ARID5A: variants seen among roughly 807,000 people sequenced by gnomAD.
ARID5A encodes the protein AT-rich interaction domain 5A.
A neutral mutation model predicts 30.5 loss-of-function variants in ARID5A; 14 were observed. The ratio of observed to expected loss-of-function variants is 0.46; its 90% CI spans 0.30 to 0.72. The LOEUF is 0.72. Ranked by LOEUF, ARID5A falls within the 30% of genes least tolerant of loss-of-function variation. The pLI is 0.07. For missense variants in ARID5A, 669 were observed against 786.2 expected (o/e 0.85, Z 1.78); for synonymous variants, 338 against 340.4 (o/e 0.99, Z 0.08).
chr2:96,545,602 G>T (rs888005139), intron 1 of ARID5A, among the ~76,000 whole-genome samples: 1 of 152,168 alleles, frequency 6.6e-6, no homozygotes, highest in Non-Finnish European at 1.5e-5. Context: ...TGAAAGTTTT[G>T]CTGTGGATAA....
rs1253887471 is a variant in ARID5A at position 96,552,493 on chromosome 2, A to G, written c.*180A>G. ...GGGAAAACTGGGTTTATCTCAAGGC[A>G]GCAGCCTGAGCCCAGGAGCAGAGGA... On this transcript the variant is annotated 3_prime_UTR_variant, in exon 7 of 7. Coordinates refer to ENST00000357485, the MANE Select transcript of ARID5A (RefSeq NM_212481.3). 4 of 1,535,852 alleles carry G rather than the reference A, an allele frequency of 2.6e-6. No individual in the cohort carries two copies. The African/African-American group carries it at 4.1e-5, about 16-fold the overall frequency.
At chr2:96,547,211 G>A (rs1020892143) in intron 1 of ARID5A, among the ~76,000 whole-genome samples, 191 bp from the exon 2 acceptor site, 5 of 151,270 alleles carry the variant, frequency 3.3e-5, no homozygotes, top group African/African-American at 1.2e-4. Flanking sequence ...GACAGGTCTT[G>A]AACTCCTGAC....
intron 1 of ARID5A, among the ~76,000 whole-genome samples, chr2:96,542,529 G>C (rs1342339688): frequency 1.3e-5 from 2 of 152,170 alleles, no homozygotes; most frequent in Non-Finnish European, 2.9e-5. Context: ...GAAGGGACTA[G>C]GGCCCCTCTC....
rs974484154 is a variant in ARID5A, at chr2:96,539,705, C to T, written c.4+2875C>T. Among the ~76,000 whole-genome samples the T allele has an allele frequency of 6.6e-6, 1 of 152,134 alleles. No individual in the cohort carries two copies. Among genetic ancestry groups the T allele is most frequent in the African/African-American group, 2.4e-5 (1 of 41,384 alleles). On this transcript the variant is annotated intron_variant, in intron 1 of 6. Transcript: ENST00000357485. This position sits in a 1 kb window ranked among gnomAD's most constrained non-coding sequence, Gnocchi z 4.7. ...GAAGTTGATTCATAGAGTGTGGGGG[C>T]CATGCCCCTTCCCGGCCCTCCCCCT...
In ARID5A at chr2:96,551,937, A is replaced by G; in HGVS notation, c.1409A>G (p.Asp470Gly). The change falls in exon 7 of 7, where the codon GAT (aspartate) becomes GGT (glycine). Residue 470 changes from aspartate (D) to glycine (G), a missense_variant. By Grantham distance (94) the Asp-to-Gly change is moderately conservative (BLOSUM62 -1). Around this residue, in one of 4 missense-constraint regions of ARID5A, gnomAD observed 548 missense variants for 577.4 expected, o/e 0.95. Transcript: ENST00000357485. ...RAVSPFLKEA[D>G]AKKCGAKPAG... is the part of the protein sequence containing the mutation. Reference sequence around the variant, plus strand: ...GTGTCTCCCTTTCTTAAGGAGGCGGATGCCAAGAAGTGTGGGGCCAAACCT... The same window carrying G: ...GTGTCTCCCTTTCTTAAGGAGGCGGGTGCCAAGAAGTGTGGGGCCAAACCT... The G allele has an allele frequency of 1.3e-6, 2 of 1,523,148 alleles. No individual in the cohort carries two copies. Among genetic ancestry groups the G allele is most frequent in the Non-Finnish European group, 1.8e-6 (2 of 1,135,800 alleles). The allele number at this position is 1,523,148 out of a possible 1,614,324, so 94.4% of individuals were successfully genotyped here. A position where few individuals can be genotyped will look rare whatever the true frequency, so the allele number is the denominator to read the frequency against.
At chr2:96,546,147 G>A (rs1331616311) in intron 1 of ARID5A, among the ~76,000 whole-genome samples, 1 of 152,156 alleles carries the variant, frequency 6.6e-6, no homozygotes, top group African/African-American at 2.4e-5. Context: ...GTGCCTCTGA[G>A]TACCACTGGC....
In ARID5A at chr2:96,547,350, A is replaced by G. The variant is rs944215477; in HGVS notation, c.5-52A>G. 10 of 1,503,518 alleles carry G rather than the reference A, an allele frequency of 6.7e-6. No individual in the cohort carries two copies. The African/African-American group carries it at 1.4e-4, about 21-fold the overall frequency. The allele number at this position is 1,503,518 out of a possible 1,614,324, so 93.1% of individuals were successfully genotyped here. A position where few individuals can be genotyped will look rare whatever the true frequency, so the allele number is the denominator to read the frequency against. The stretch of plus-strand genomic sequence containing the variant: ...TCCTGTTCCTCCCTGCTTGCATCTC[A>G]TATGCTCTCTCCCCACCCCTTCCTC... On this transcript the variant is annotated intron_variant, in intron 1 of 6. Coordinates refer to ENST00000357485, the MANE Select transcript of ARID5A (RefSeq NM_212481.3).
Position 96,551,523 on chromosome 2 carries a change from G to A in ARID5A, c.995G>A (p.Gly332Asp). ...AGCCTCAGAGAGGAGGCGCAGGCAG[G>A]CCCCTGCCCGGCAGCCCCCATCTTC... ...GGSLREEAQA[G>D]PCPAAPIFKG... is the part of the protein sequence containing the mutation. The change falls in exon 7 of 7, where the codon GGC becomes GAC. Residue 332 changes from glycine (G) to aspartate (D), a missense_variant. Around this residue, in one of 4 missense-constraint regions of ARID5A, gnomAD observed 548 missense variants for 577.4 expected, o/e 0.95. Transcript: ENST00000357485. The A allele has an allele frequency of 1.2e-6, 2 of 1,601,440 alleles. No homozygotes were observed. The highest frequency in any genetic ancestry group is 1.7e-6 in the Non-Finnish European group (2 of 1,174,148).
chr2:96,538,249 A>C, intron 1 of ARID5A: 4 of 985,432 alleles, frequency 4.1e-6, no homozygotes, highest in Non-Finnish European at 4.8e-6. Context: ...GTCACCACCA[A>C]ATGTGGCCCA....
intron 1 of ARID5A, 127 bp from the exon 2 acceptor site, chr2:96,547,275 C>A: frequency 1.4e-6 from 1 of 732,742 alleles, no homozygotes; most frequent in East Asian, 2.9e-5. Context: ...CAGGAGTGAG[C>A]CCCTGCACTG....
In ARID5A at chr2:96,539,307, C is replaced by G. The variant is rs1165472034; in HGVS notation, c.4+2477C>G. 6.6e-6 allele frequency among the ~76,000 whole-genome samples: 1 copy of G among 152,254 alleles called. No homozygotes were observed. Among genetic ancestry groups the G allele is most frequent in the Non-Finnish European group, 1.5e-5 (1 of 68,048 alleles). On this transcript the variant is annotated intron_variant, in intron 1 of 6. Coordinates refer to ENST00000357485, the MANE Select transcript of ARID5A (RefSeq NM_212481.3). This position sits in a 1 kb window ranked among gnomAD's most constrained non-coding sequence, Gnocchi z 4.7. ...CCCATCTGTCCTCTTGGCCCACTTT[C>G]ATCTGCTTCCAGCTTGATGTCTGGC... is the stretch of plus-strand genomic sequence containing the variant.
In ARID5A at chr2:96,549,182, A is replaced by G. The variant is rs1283594126; in HGVS notation, c.121-139A>G. 6 of 1,476,974 alleles carry G rather than the reference A, an allele frequency of 4.1e-6. No individual in the cohort carries two copies. The allele number at this position is 1,476,974 out of a possible 1,614,324, so 91.5% of individuals were successfully genotyped here. The stretch of plus-strand genomic sequence containing the variant: ...AACCCAGGAACAGTCACTCCCTCCC[A>G]GAACAGTGGCTAGGTGTTCTCTGGG... On this transcript the variant is annotated intron_variant, in intron 2 of 6. Transcript: ENST00000357485. This position sits in a 1 kb window ranked among gnomAD's most constrained non-coding sequence, Gnocchi z 6.1.
intron 1 of ARID5A, among the ~76,000 whole-genome samples, chr2:96,541,065 A>C (rs2065836794): frequency 7.2e-6 from 1 of 139,738 alleles, no homozygotes; most frequent in African/African-American, 2.7e-5. Flanking sequence ...TTGAGAAGGA[A>C]TCTCGCTCTG....
chr2:96,543,270 T>C (rs1176584225), intron 1 of ARID5A, among the ~76,000 whole-genome samples: 1 of 152,204 alleles, frequency 6.6e-6, no homozygotes, highest in South Asian at 2.1e-4. Flanking sequence ...TGGCTTCAGA[T>C]TCCCCCTCTT....
At chr2:96,548,698 T>C (rs2065972083) in intron 2 of ARID5A, among the ~76,000 whole-genome samples, 1 of 152,204 alleles carries the variant, frequency 6.6e-6, no homozygotes, top group East Asian at 1.9e-4. Flanking sequence ...ACTCGCTGGA[T>C]AAACGGCATC....
In ARID5A at chr2:96,537,889, A is replaced by G; in HGVS notation, c.4+1059A>G. 1 of 985,492 alleles carries G rather than the reference A, an allele frequency of 1.0e-6. No homozygotes were observed. The highest frequency in any genetic ancestry group is 1.2e-6 in the Non-Finnish European group (1 of 830,002). 61.0% of individuals were successfully genotyped at this position (985,492 alleles called of 1,614,324 possible). On this transcript the variant is annotated intron_variant, in intron 1 of 6. Transcript: ENST00000357485. The surrounding 1 kb of genome is among the most constrained non-coding windows in gnomAD (Gnocchi z 4.8). ...CCCTTTGTTTGCAGAGTCTTGGGCC[A>G]GTAAGGAGTGCTCCGCGGGCCCCAG...
Position 96,544,622 on chromosome 2 carries a change from ATAT to A in ARID5A, c.5-2775_5-2773del, listed in dbSNP as rs144679610. 3.5e-4 allele frequency among the ~76,000 whole-genome samples: 53 copies of A among 152,324 alleles called. 1 individual carries two copies. The highest frequency in any genetic ancestry group is 1.1e-3 in the African/African-American group (45 of 41,582). On this transcript the variant is annotated intron_variant, in intron 1 of 6. Coordinates refer to ENST00000357485, the MANE Select transcript of ARID5A (RefSeq NM_212481.3). ...CTCAGAAAAAAGGATTCCTTTCAAA[ATAT>A]TATTGTTCATTGACAAGGCAACCGG...
intron 1 of ARID5A, among the ~76,000 whole-genome samples, chr2:96,544,700 A>G (rs772551885): frequency 6.6e-6 from 1 of 152,262 alleles, no homozygotes; most frequent in African/African-American, 2.4e-5. Flanking sequence ...TGTTGTTTTC[A>G]TGCCTACTAG....
Position 96,539,470 on chromosome 2 carries a change from T to TCCTGCCTTTGCATA in ARID5A, c.4+2652_4+2665dup, listed in dbSNP as rs1269723789. Among the ~76,000 whole-genome samples, 12 of 152,342 alleles carry TCCTGCCTTTGCATA rather than the reference T, an allele frequency of 7.9e-5. No homozygotes were observed. In the East Asian group the frequency reaches 2.3e-3, roughly 29 times the overall value. ...AACCACCGCCCGACTGCCTTCACCT[T>TCCTGCCTTTGCATA]CCTGCCTTTGCATACCTGCCTTTGC... On this transcript the variant is annotated intron_variant, in intron 1 of 6. Coordinates refer to ENST00000357485, the MANE Select transcript of ARID5A (RefSeq NM_212481.3). This position sits in a 1 kb window ranked among gnomAD's most constrained non-coding sequence, Gnocchi z 4.7.
Sources: allele counts gnomAD v4.1 joint callset (sites outside exome capture counted in the v4.1 genomes callset), GRCh38; gene constraint gnomAD v4.1.1; regional missense constraint gnomAD v4.1.1; non-coding constraint Gnocchi (gnomAD v3.1); transcripts MANE v1.5; gene names NCBI Gene and HGNC (gene_info 2026-07-23, HGNC 2026-07-21).